The following ADGRG6 variants were observed in gnomAD, a reference collection of about 807,000 sequenced individuals.
ADGRG6 encodes G-protein coupled receptor 126.
Under a neutral mutation model 142.4 loss-of-function variants are expected in ADGRG6, and 84 were observed. The ratio of observed to expected loss-of-function variants is 0.59; its 90% CI spans 0.49 to 0.71. The LOEUF (loss-of-function observed/expected upper bound fraction) is 0.71. ADGRG6 is among the 30% of genes least tolerant of loss of function. ADGRG6 has a pLI of 0.00. For synonymous variants in ADGRG6, 521 were observed against 520.5 expected (o/e 1.00, Z -0.01); for missense variants, 1,367 against 1,466.6 (o/e 0.93, Z 1.11).
At chr6:142,376,878 A>T (rs1781526520) in intron 4 of ADGRG6, among the ~76,000 whole-genome samples, 1 of 152,194 alleles carries the variant, frequency 6.6e-6, no homozygotes, top group African/African-American at 2.4e-5. Context: ...TATTGTGAGG[A>T]TTTGCTCTTC....
intron 22 of ADGRG6, among the ~76,000 whole-genome samples, chr6:142,429,328 A>G (rs979719423): frequency 3.3e-5 from 5 of 152,220 alleles, no homozygotes; most frequent in African/African-American, 9.6e-5. Flanking sequence ...ACATAATTAC[A>G]TGTATAATAC....
At chr6:142,318,210 T>A (rs1167081105) in intron 2 of ADGRG6, among the ~76,000 whole-genome samples, 3 of 37,096 alleles carry the variant, frequency 8.1e-5, no homozygotes, top group African/African-American at 6.5e-4. Context: ...TTATATATAT[T>A]TATATATTAT....
At chr6:142,402,101 A>G (rs754776314) in intron 12 of ADGRG6, 43 bp downstream of exon 12, 2 of 874,560 alleles carry the variant, frequency 2.3e-6, no homozygotes, top group Admixed American at 4.1e-5. Context: ...ACAAAATGAC[A>G]TGACTTCATG....
Position 142,370,634 on chromosome 6 carries a change from A to T in ADGRG6, c.910A>T (p.Lys304Ter). Residue 304 changes from lysine (K) to a stop codon, truncating the protein, a stop_gained, in exon 4 of 25, where the codon AAA (lysine) becomes TAA (stop). Coordinates refer to ENST00000367609, the MANE Select transcript of ADGRG6 (RefSeq NM_198569.3). LOFTEE classifies it high-confidence loss of function. Reference protein sequence around the residue: ...GSNQNEIVSLKGDIYNFRLWN... With the variant: ...GSNQNEIVSL ...CAATCAAAATGAAATTGTCTCTCTA[A>T]AAGGGGACATTTATAACTTTCGACT... 1 of 1,613,710 alleles carries T rather than the reference A, an allele frequency of 6.2e-7. No homozygotes were observed. Among genetic ancestry groups the T allele is most frequent in the Non-Finnish European group, 8.5e-7 (1 of 1,179,670 alleles).
intron 2 of ADGRG6, among the ~76,000 whole-genome samples, chr6:142,351,860 C>T (rs550788244): frequency 6.6e-5 from 10 of 152,094 alleles, no homozygotes; most frequent in South Asian, 4.2e-4. Flanking sequence ...AAAACAACCC[C>T]GTTATTACTC....
At position 142,341,899 on chromosome 6, in the gene ADGRG6, T is replaced by G. The variant is rs1045162059; in HGVS notation, c.104-25670T>G. On this transcript the variant is annotated intron_variant, in intron 2 of 24. Transcript: ENST00000367609. ...CAAATTTTTAAAAAAACTTGGATCA[T>G]TCTGAAACTTGAGTAATTGAAATGC... Among the ~76,000 whole-genome samples the G allele has an allele frequency of 2.0e-5, 3 of 151,814 alleles. No individual in the cohort carries two copies. In the East Asian group the frequency reaches 5.8e-4, roughly 29 times the overall value.
At chr6:142,381,861 G>C in intron 4 of ADGRG6, 90 bp from the exon 5 acceptor site, 1 of 775,018 alleles carries the variant, frequency 1.3e-6, no homozygotes, top group Non-Finnish European at 2.2e-6. Flanking sequence ...CTCTTCTAGG[G>C]CTGCTTCTAT....
intron 2 of ADGRG6, among the ~76,000 whole-genome samples, chr6:142,328,584 A>G (rs947268090): frequency 1.3e-5 from 2 of 152,166 alleles, no homozygotes; most frequent in Non-Finnish European, 2.9e-5. Flanking sequence ...ATAGTTCAGT[A>G]ATTGTACTCA....
chr6:142,439,278 A>G (rs1218189600), intron 24 of ADGRG6, among the ~76,000 whole-genome samples: 1 of 152,256 alleles, frequency 6.6e-6, no homozygotes, highest in Non-Finnish European at 1.5e-5. Flanking sequence ...AGCTGTCAAC[A>G]TTTAAAACAG....
At chr6:142,304,939 G>A (rs189920279) in intron 1 of ADGRG6, among the ~76,000 whole-genome samples, 10 of 152,084 alleles carry the variant, frequency 6.6e-5, no homozygotes, top group East Asian at 3.9e-4. Flanking sequence ...TCCATTATAA[G>A]CATTACTTGA....
chr6:142,406,023 T>C (rs1191628077), intron 15 of ADGRG6, among the ~76,000 whole-genome samples, 195 bp downstream of exon 15: 1 of 152,202 alleles, frequency 6.6e-6, no homozygotes, highest in Non-Finnish European at 1.5e-5. Flanking sequence ...AAGTTGTATG[T>C]ACTTCAATTT....
At chr6:142,413,937 A>ACACACACACACACACACAC (rs1582653563) in intron 18 of ADGRG6, among the ~76,000 whole-genome samples, 1 of 149,252 alleles carries the variant, frequency 6.7e-6, no homozygotes, top group East Asian at 2.0e-4. Flanking sequence ...ACACACACAC[A>ACACACACACACACACACAC]ACTTAAGGCC....
Position 142,370,362 on chromosome 6 carries a change from T to C in ADGRG6, c.638T>C (p.Leu213Pro). The C allele has an allele frequency of 1.2e-6, 2 of 1,613,570 alleles. No homozygotes were observed. The highest frequency in any genetic ancestry group is 8.5e-7 in the Non-Finnish European group (1 of 1,179,546). ...SYSNASFTQL[L>P]SFGKAKSGYF... ...TCAAATGCATCCTTCACACAATTGC[T>C]CAGTTTTGGAAAGGCCAAGAGTGGC... The change falls in exon 4 of 25, where the codon CTC becomes CCC. Residue 213 changes from leucine to proline, a missense_variant. Around this residue, in one of 3 missense-constraint regions of ADGRG6, gnomAD observed 737 missense variants for 746.5 expected, o/e 0.99. Transcript: ENST00000367609.
At chr6:142,442,601 ATAAT>A (rs1420509880) in intron 24 of ADGRG6, among the ~76,000 whole-genome samples, 5 of 152,094 alleles carry the variant, frequency 3.3e-5, no homozygotes, top group Admixed American at 2.0e-4. Context: ...AAACTACAAG[ATAAT>A]TAATATAAAT....
chr6:142,329,288 G>T (rs1778925660), intron 2 of ADGRG6, among the ~76,000 whole-genome samples: 1 of 152,012 alleles, frequency 6.6e-6, no homozygotes, highest in African/African-American at 2.4e-5. Flanking sequence ...AGAGTTTCTG[G>T]GGTAATATAT....
chr6:142,392,777 TA>T (rs1318422472), intron 7 of ADGRG6, among the ~76,000 whole-genome samples, 170 bp from the exon 8 acceptor site: 1 of 152,068 alleles, frequency 6.6e-6, no homozygotes, highest in African/African-American at 2.4e-5. Flanking sequence ...ATTCTTGGTA[TA>T]CAGTGATCCA....
intron 22 of ADGRG6, among the ~76,000 whole-genome samples, chr6:142,432,530 T>C (rs1777261572): frequency 6.6e-6 from 1 of 152,174 alleles, no homozygotes; most frequent in African/African-American, 2.4e-5. Flanking sequence ...TCACAATTCA[T>C]AGTGGAAGGT....
At chr6:142,365,228 AACAGCC>A (rs1372989058) in intron 2 of ADGRG6, among the ~76,000 whole-genome samples, 4 of 152,210 alleles carry the variant, frequency 2.6e-5, no homozygotes, top group African/African-American at 9.6e-5. Flanking sequence ...AATTGGAAGA[AACAGCC>A]CAACACCCCA....
At chr6:142,321,204 G>T (rs1004893404) in intron 2 of ADGRG6, among the ~76,000 whole-genome samples, 4 of 151,218 alleles carry the variant, frequency 2.6e-5, no homozygotes, top group Admixed American at 6.6e-5. Context: ...TAAAAAAATG[G>T]CAAGATAGCA....
Sources: gnomAD v4.1 joint callset for allele counts (sites outside exome capture counted in the v4.1 genomes callset) on GRCh38, gnomAD v4.1.1 for gene constraint, gnomAD v4.1.1 regional missense constraint, MANE v1.5 for transcripts, NCBI Gene and HGNC (gene_info 2026-07-23, HGNC 2026-07-21) for gene names.